The following TOGARAM1 variants were observed in gnomAD, a reference collection of about 807,000 sequenced individuals.
TOGARAM1 encodes the protein TOG array regulator of axonemal microtubules 1, also known as TOG array regulator of axonemal microtubules protein 1.
In TOGARAM1, 100 loss-of-function variants were observed where a neutral mutation model predicts 166.6. The observed-to-expected ratio is 0.60, with a 90% CI of 0.51 to 0.71. TOGARAM1 has a LOEUF of 0.71. Ranked by LOEUF, TOGARAM1 falls within the 30% of genes least tolerant of loss-of-function variation. The probability of loss-of-function intolerance (pLI) is 0.00; values close to 1 mark genes in which losing one functional copy is unlikely to be tolerated. For missense variants in TOGARAM1, 2,029 were observed against 2,102.7 expected, an observed-to-expected ratio of 0.96 and a Z score of 0.69; for synonymous variants, 758 against 763.8, an observed-to-expected ratio of 0.99 and a Z score of 0.13.
intron 6 of TOGARAM1, among the ~76,000 whole-genome samples, chr14:45,010,380 A>T (rs998633357): frequency 6.6e-6 from 1 of 152,250 alleles, no homozygotes; most frequent in Non-Finnish European, 1.5e-5. Context: ...TGAATTTGGA[A>T]TGACAGCATG....
In TOGARAM1 at chr14:45,009,113, T is replaced by G. The variant is rs1879639776; in HGVS notation, c.3105T>G (p.Ser1035=). 1 of 1,613,880 alleles carries G rather than the reference T, an allele frequency of 6.2e-7. No homozygotes were observed. The highest frequency in any genetic ancestry group is 8.5e-7 in the Non-Finnish European group (1 of 1,179,852). The change falls in exon 6 of 20, where the codon TCT becomes TCG. Residue 1035 remains serine, a synonymous_variant. Transcript: ENST00000361462. ...GVYSQESLTS[S]LSTTPQGKRI... Reference sequence around the variant, plus strand: ...ACAGCCAAGAATCATTGACTTCTTCTCTGTCTACAACTCCCCAGGGGAAGA... The same window carrying G: ...ACAGCCAAGAATCATTGACTTCTTCGCTGTCTACAACTCCCCAGGGGAAGA...
In TOGARAM1 at chr14:45,032,727, G is replaced by A. The variant is rs188282407; in HGVS notation, c.3812+351G>A. Among the ~76,000 whole-genome samples, 175 of 152,244 alleles carry A rather than the reference G, an allele frequency of 1.1e-3. 1 individual carries two copies. The highest frequency in any genetic ancestry group is 4.0e-3 in the African/African-American group (167 of 41,536). On this transcript the variant is annotated intron_variant, in intron 11 of 19. Transcript: ENST00000361462. ...AATACTTACCTGCTCCTATTGTAGT[G>A]ATAGCAGCCAACCAACCAGCCCAGC...
chr14:45,029,881 G>T (rs1053930378), intron 10 of TOGARAM1, among the ~76,000 whole-genome samples: 6 of 152,102 alleles, frequency 3.9e-5, no homozygotes, highest in Non-Finnish European at 7.4e-5. Context: ...GAGTGCAGCG[G>T]CACGATCTCG....
intron 10 of TOGARAM1, 24 bp downstream of exon 10, chr14:45,028,353 A>ATT: frequency 3.4e-6 from 5 of 1,482,646 alleles, no homozygotes; most frequent in Admixed American, 4.4e-5. Context: ...AAGTTTTGGT[A>ATT]TTTTTTTTTT....
intron 13 of TOGARAM1, among the ~76,000 whole-genome samples, chr14:45,045,120 A>G (rs10148765): frequency 0.046 from 6,980 of 152,178 alleles, 520 homozygotes; most frequent in African/African-American, 0.16. Flanking sequence ...ACACAAAATC[A>G]TCTAGGCAAT....
intron 16 of TOGARAM1, among the ~76,000 whole-genome samples, chr14:45,056,937 T>G (rs1882667927): frequency 6.6e-6 from 1 of 151,546 alleles, no homozygotes; most frequent in Non-Finnish European, 1.5e-5. Context: ...TGGTATAAGT[T>G]TTTGTTTTAT....
chr14:45,002,152 C>G (rs1429322714), intron 3 of TOGARAM1, among the ~76,000 whole-genome samples: 3 of 152,154 alleles, frequency 2.0e-5, no homozygotes, highest in Non-Finnish European at 4.4e-5. Flanking sequence ...ACCCACATAA[C>G]TCCTTAAAGA....
chr14:44,969,110 T>TTCCTTCCTTCCTTCC (rs1885723888), intron 1 of TOGARAM1, among the ~76,000 whole-genome samples: 3 of 139,158 alleles, frequency 2.2e-5, no homozygotes, highest in African/African-American at 8.8e-5. Context: ...TCTTTCTTTC[T>TTCCTTCCTTCCTTCC]TTCCTTCCTT....
Position 44,963,662 on chromosome 14 carries a change from C to G in TOGARAM1, c.1241C>G (p.Thr414Arg). ...TCTAACTTCAAAGTGGTGCATGGCA[C>G]ACTTGAAGTCCTGCATTTACTGGTT... is the stretch of plus-strand genomic sequence containing the variant. ...DDSNFKVVHG[T>R]LEVLHLLVIR... Residue 414 changes from threonine (T) to arginine (R), a missense_variant, in exon 1 of 20, where the codon ACA (threonine) becomes AGA (arginine). By Grantham distance (71) the Thr-to-Arg change is moderately conservative. Coordinates refer to ENST00000361462, the MANE Select transcript of TOGARAM1 (RefSeq NM_001308120.2). 6.2e-7 allele frequency: 1 copy of G among 1,613,450 alleles called. No homozygotes were observed. Among genetic ancestry groups the G allele is most frequent in the Non-Finnish European group, 8.5e-7 (1 of 1,180,030 alleles).
chr14:45,058,360 TC>T (rs1882743228), intron 16 of TOGARAM1, among the ~76,000 whole-genome samples: 1 of 150,844 alleles, frequency 6.6e-6, no homozygotes, highest in Non-Finnish European at 1.5e-5. Context: ...AGTGGCACAA[TC>T]TCAGTTCACT....
chr14:44,987,433 C>G (rs61269813), intron 1 of TOGARAM1, among the ~76,000 whole-genome samples: 3,161 of 152,170 alleles, frequency 0.021, 124 homozygotes, highest in African/African-American at 0.072. Flanking sequence ...ACCCCATCAA[C>G]AAGTGGGCAA....
rs186656953 is a variant in TOGARAM1 at position 44,996,137 on chromosome 14, A to G, written c.2203+235A>G. 1.1e-5 allele frequency: 3 copies of G among 263,296 alleles called. No homozygotes were observed. In the East Asian group the frequency reaches 2.0e-4, roughly 18 times the overall value. The allele number at this position is 263,296 out of a possible 1,614,324, so 16.3% of individuals were successfully genotyped here. A position where few individuals can be genotyped will look rare whatever the true frequency, so the allele number is the denominator to read the frequency against. ...TAGGGCAATATTTGCTTAATACATCACCCATATTTATTAAGGTGCTTTTCT... is the reference window on the plus strand; with the variant it reads ...TAGGGCAATATTTGCTTAATACATCGCCCATATTTATTAAGGTGCTTTTCT... On this transcript the variant is annotated intron_variant, in intron 2 of 19. Transcript: ENST00000361462.
intron 1 of TOGARAM1, among the ~76,000 whole-genome samples, chr14:44,967,616 G>C (rs1885630123): frequency 6.6e-6 from 1 of 152,192 alleles, no homozygotes; most frequent in Non-Finnish European, 1.5e-5. Flanking sequence ...TAGAGACACT[G>C]ATTATGTGAA....
rs1885181588 is a variant in TOGARAM1 at position 44,962,297 on chromosome 14, G to T, written c.-125G>T. Reference sequence around the variant, plus strand: ...GGAGTTGGGGGCGGCCTGGCGGCAGGCTGAAGCTGTTCTTTTGCCTCTTCT... The same window carrying T: ...GGAGTTGGGGGCGGCCTGGCGGCAGTCTGAAGCTGTTCTTTTGCCTCTTCT... On this transcript the variant is annotated 5_prime_UTR_variant, in exon 1 of 20. Transcript: ENST00000361462. 1 of 1,260,882 alleles carries T rather than the reference G, an allele frequency of 7.9e-7. No homozygotes were observed. 78.1% of individuals were successfully genotyped at this position (1,260,882 alleles called of 1,614,324 possible).
At chr14:44,972,150 G>A (rs1885922083) in intron 1 of TOGARAM1, among the ~76,000 whole-genome samples, 1 of 152,054 alleles carries the variant, frequency 6.6e-6, no homozygotes. Flanking sequence ...TCAACATTGA[G>A]GATTACAATT....
At chr14:45,026,859 T>C (rs1365866577) in intron 8 of TOGARAM1, among the ~76,000 whole-genome samples, 3 of 148,082 alleles carry the variant, frequency 2.0e-5, no homozygotes, top group East Asian at 2.0e-4. Flanking sequence ...ATACAAAAAA[T>C]TGGGCAGGCC....
intron 10 of TOGARAM1, among the ~76,000 whole-genome samples, chr14:45,030,237 G>C (rs556905255): frequency 4.6e-5 from 7 of 152,272 alleles, no homozygotes; most frequent in South Asian, 4.1e-4. Context: ...AATAAAGATA[G>C]GTGATAGTAC....
At chr14:45,070,243 G>A (rs574514244) in intron 18 of TOGARAM1, among the ~76,000 whole-genome samples, 1 of 152,176 alleles carries the variant, frequency 6.6e-6, no homozygotes, top group African/African-American at 2.4e-5. Flanking sequence ...GGGATGCAAG[G>A]ATGGTTCAAC....
At chr14:45,030,999 G>A (rs911903540) in intron 10 of TOGARAM1, among the ~76,000 whole-genome samples, 8 of 152,140 alleles carry the variant, frequency 5.3e-5, no homozygotes, top group Non-Finnish European at 1.2e-4. Flanking sequence ...CTGGTGTATA[G>A]TATTTAATAA....
Sources: allele counts gnomAD v4.1 joint callset (sites outside exome capture counted in the v4.1 genomes callset), GRCh38; gene constraint gnomAD v4.1.1; transcripts MANE v1.5; gene names NCBI Gene and HGNC (gene_info 2026-07-23, HGNC 2026-07-21).